ZNF750: variants seen among roughly 807,000 people sequenced by gnomAD.
ZNF750 encodes zinc finger protein 750, also known as protein ZNF750.
ZNF750 carries 10 observed loss-of-function variants against 31.6 expected under a neutral mutation model. The ratio of observed to expected loss-of-function variants is 0.32; its 90% CI spans 0.19 to 0.54. The LOEUF (loss-of-function observed/expected upper bound fraction) is 0.54. Among genes scored for constraint, ZNF750 ranks in the 20% least tolerant of loss-of-function variants. The pLI, the probability that ZNF750 is intolerant of heterozygous loss-of-function variation, is 0.95. For missense variants in ZNF750, 914 were observed against 934.9 expected, an observed-to-expected ratio of 0.98 and a Z score of 0.29; for synonymous variants, 400 against 404.9, an observed-to-expected ratio of 0.99 and a Z score of 0.15.
intron 1 of ZNF750, among the ~76,000 whole-genome samples, chr17:82,839,548 T>G (rs901055043): frequency 6.6e-6 from 1 of 152,216 alleles, no homozygotes; most frequent in South Asian, 2.1e-4. Context: ...TTCACCCTAA[T>G]GTACATACAC....
chr17:82,830,670 G>A lies in ZNF750; in HGVS notation c.1644C>T (p.Asp548=), dbSNP rs138155684. The change falls in exon 3 of 3, where the codon GAC becomes GAT. Residue 548 remains aspartate, a synonymous_variant. Coordinates refer to ENST00000269394, the MANE Select transcript of ZNF750 (RefSeq NM_024702.3). ...AETASFSELQ[D]LPLNLSVKDP... ...CCTTCACCGAGAGATTGAGTGGAAG[G>A]TCCTGCAGCTCTGAGAAGCTGGCGG... 8.6e-4 allele frequency: 1,385 copies of A among 1,614,154 alleles called. 1 individual carries two copies. The highest frequency in any genetic ancestry group is 1.4e-3 in the Admixed American group (86 of 60,036).
chr17:82,831,592 G>T lies in ZNF750; in HGVS notation c.863C>A (p.Pro288Gln). The change falls in exon 2 of 3, where the codon CCG (proline) becomes CAG (glutamine). Residue 288 changes from proline (P) to glutamine (Q), a missense_variant. Around this residue, in one of 2 missense-constraint regions of ZNF750, gnomAD observed 880 missense variants for 868.9 expected, o/e 1.01. Coordinates refer to ENST00000269394, the MANE Select transcript of ZNF750 (RefSeq NM_024702.3). The surrounding 1 kb of genome is among the most constrained non-coding windows in gnomAD (Gnocchi z 4.6). ...AGCCAGGTGCTTAGGGATCGGCCCC[G>T]GGTGAGGCAGGAAGTGTCTCGGGTC... is the stretch of plus-strand genomic sequence containing the variant. ...TQDPRHFLPH[P>Q]GPIPKHLAPS... The T allele has an allele frequency of 6.2e-7, 1 of 1,614,130 alleles. No individual in the cohort carries two copies. The highest frequency in any genetic ancestry group is 8.5e-7 in the Non-Finnish European group (1 of 1,179,992).
intron 1 of ZNF750, among the ~76,000 whole-genome samples, chr17:82,837,779 C>T (rs2054113823): frequency 6.6e-6 from 1 of 152,248 alleles, no homozygotes. Flanking sequence ...TCTTCCCTGA[C>T]TGCTGCTGGC....
In ZNF750 at chr17:82,832,652, G is replaced by C. The variant is rs1287156131; in HGVS notation, c.-182-16C>G. On this transcript the variant is annotated splice_polypyrimidine_tract_variant and intron_variant, in intron 1 of 2. Coordinates refer to ENST00000269394, the MANE Select transcript of ZNF750 (RefSeq NM_024702.3). This position sits in a 1 kb window ranked among gnomAD's most constrained non-coding sequence, Gnocchi z 4.9. Reference sequence around the variant, plus strand: ...CGGCTGGGAGCTGTAATAAAGAGCAGTCTTGGTGTCAGGACAGCGAGTGAG... The same window carrying C: ...CGGCTGGGAGCTGTAATAAAGAGCACTCTTGGTGTCAGGACAGCGAGTGAG... The C allele has an allele frequency of 1.6e-6, 1 of 620,706 alleles. No homozygotes were observed. Among genetic ancestry groups the C allele is most frequent in the African/African-American group, 1.8e-5 (1 of 54,374 alleles). 38.4% of individuals were successfully genotyped at this position (620,706 alleles called of 1,614,324 possible). A position where few individuals can be genotyped will look rare whatever the true frequency, so the allele number is the denominator to read the frequency against.
Position 82,830,067 on chromosome 17 carries a change from A to G in ZNF750, c.*75T>C. The G allele has an allele frequency of 6.3e-7, 1 of 1,598,340 alleles. No homozygotes were observed. The highest frequency in any genetic ancestry group is 8.5e-7 in the Non-Finnish European group (1 of 1,169,852). On this transcript the variant is annotated 3_prime_UTR_variant, in exon 3 of 3. Transcript: ENST00000269394. ...TGTAAAAATGTGAAAGTGCCAGTTC[A>G]GAGGTGTTGTAGCTTGCCACCTTGG...
rs2053464967 is a variant in ZNF750 at position 82,831,088 on chromosome 17, CTGAAGGCTG to C, written c.1358_1366del (p.Thr453_Phe455del). 1 of 1,614,166 alleles carries C rather than the reference CTGAAGGCTG, an allele frequency of 6.2e-7. No individual in the cohort carries two copies. Among genetic ancestry groups the C allele is most frequent in the Non-Finnish European group, 8.5e-7 (1 of 1,180,024 alleles). ...GCATTCTGTGCTTTTCTTAACAGGC[CTGAAGGCTG>C]TGAGGCTTTGCTCTGGCGGGTAGAG... On this transcript the variant is annotated inframe_deletion, in exon 2 of 3. Coordinates refer to ENST00000269394, the MANE Select transcript of ZNF750 (RefSeq NM_024702.3). This position sits in a 1 kb window ranked among gnomAD's most constrained non-coding sequence, Gnocchi z 4.6.
In ZNF750 at chr17:82,829,905, C is replaced by T. The variant is rs1220212437; in HGVS notation, c.*237G>A. Reference sequence around the variant, plus strand: ...CTTAGACTTGAAAATACATATCAGTCTTAGAGTCATTCAGGTGTTTTTACA... The same window carrying T: ...CTTAGACTTGAAAATACATATCAGTTTTAGAGTCATTCAGGTGTTTTTACA... On this transcript the variant is annotated 3_prime_UTR_variant, in exon 3 of 3. Transcript: ENST00000269394. 2 of 622,502 alleles carry T rather than the reference C, an allele frequency of 3.2e-6. No homozygotes were observed. The highest frequency in any genetic ancestry group is 5.5e-6 in the Non-Finnish European group (2 of 362,302). The allele number at this position is 622,502 out of a possible 1,614,324, so 38.6% of individuals were successfully genotyped here.
At chr17:82,838,817 C>G (rs544716967) in intron 1 of ZNF750, 3 of 985,250 alleles carry the variant, frequency 3.0e-6, no homozygotes, top group Admixed American at 6.2e-5. Context: ...CAGGAGATCC[C>G]GAGTTACAGA....
Position 82,838,688 on chromosome 17 carries a change from T to C in ZNF750, c.-183+1239A>G, listed in dbSNP as rs1353636019. 7.1e-6 allele frequency: 7 copies of C among 985,366 alleles called. No individual in the cohort carries two copies. The East Asian group carries it at 4.5e-4, about 64-fold the overall frequency. The allele number at this position is 985,366 out of a possible 1,614,324, so 61.0% of individuals were successfully genotyped here. ...CCACTCCCTCCCAGCCTTTCGGTTC[T>C]TTAAAATGAAAGATAAACCTCAGGA... On this transcript the variant is annotated intron_variant, in intron 1 of 2. Coordinates refer to ENST00000269394, the MANE Select transcript of ZNF750 (RefSeq NM_024702.3).
intron 1 of ZNF750, among the ~76,000 whole-genome samples, chr17:82,836,088 CT>C (rs141669026): frequency 0.029 from 4,402 of 152,344 alleles, 235 homozygotes; most frequent in African/African-American, 0.099. Context: ...TAATTTCCCC[CT>C]ATTAGAAGAA....
chr17:82,836,983 G>C (rs993013624), intron 1 of ZNF750, among the ~76,000 whole-genome samples: 1 of 152,164 alleles, frequency 6.6e-6, no homozygotes, highest in Non-Finnish European at 1.5e-5. Flanking sequence ...AATTGGTGTC[G>C]ATATGGAGTC....
In ZNF750 at chr17:82,830,617, G is replaced by A. The variant is rs765824244; in HGVS notation, c.1697C>T (p.Pro566Leu). The A allele has an allele frequency of 1.2e-6, 2 of 1,614,034 alleles. No homozygotes were observed. The highest frequency in any genetic ancestry group is 3.3e-5 in the Admixed American group (2 of 60,020). ...AGCTCGTGGTCGACCGGGGAAGGCA[G>A]GCCTCGGAGCCTGGGTGTTACAGGG... ...KDPCNTQAPR[P>L]AFPGRPRAAE... Residue 566 changes from proline to leucine, a missense_variant, in exon 3 of 3, where the codon CCT (proline) becomes CTT (leucine). Transcript: ENST00000269394.
chr17:82,830,318 C>G lies in ZNF750; in HGVS notation c.1996G>C (p.Asp666His), dbSNP rs2053366571. 6.2e-7 allele frequency: 1 copy of G among 1,614,044 alleles called. No homozygotes were observed. Among genetic ancestry groups the G allele is most frequent in the African/African-American group, 1.3e-5 (1 of 74,942 alleles). Reference protein sequence around the residue: ...AAAPEPACRQDTPTLSSMESQ... With the variant: ...AAAPEPACRQHTPTLSSMESQ... Reference sequence around the variant, plus strand: ...TCCATGGAGCTCAGTGTGGGTGTGTCTTGCCGGCAGGCAGGTTCCGGGGCC... The same window carrying G: ...TCCATGGAGCTCAGTGTGGGTGTGTGTTGCCGGCAGGCAGGTTCCGGGGCC... Residue 666 changes from aspartate to histidine, a missense_variant, in exon 3 of 3, where the codon GAC becomes CAC. Physicochemically the swap from Asp to His is moderately conservative, Grantham distance 81. Around this residue, in one of 2 missense-constraint regions of ZNF750, gnomAD observed 880 missense variants for 868.9 expected, o/e 1.01. Transcript: ENST00000269394.
rs1451337653 is a variant in ZNF750, at chr17:82,832,704, C to T, written c.-182-68G>A. Reference sequence around the variant, plus strand: ...GGTCGGCGAGAAGCCGGCCTCGGCTCGCCACAGTGCCACAGGATCCCTGAA... The same window carrying T: ...GGTCGGCGAGAAGCCGGCCTCGGCTTGCCACAGTGCCACAGGATCCCTGAA... On this transcript the variant is annotated intron_variant, in intron 1 of 2. Transcript: ENST00000269394. This position sits in a 1 kb window ranked among gnomAD's most constrained non-coding sequence, Gnocchi z 4.9. 10 of 546,684 alleles carry T rather than the reference C, an allele frequency of 1.8e-5. No homozygotes were observed. The East Asian group carries it at 2.2e-4, about 12-fold the overall frequency. The allele number at this position is 546,684 out of a possible 1,614,324, so 33.9% of individuals were successfully genotyped here.
At position 82,832,218 on chromosome 17, in the gene ZNF750, G is replaced by T; in HGVS notation, c.237C>A (p.Pro79=). Reference sequence around the variant, plus strand: ...AAGAGGCTGGCTTCGCCGTGGCATCGGGCTGGTTGGTTTGCTTGGGGTCTA... The same window carrying T: ...AAGAGGCTGGCTTCGCCGTGGCATCTGGCTGGTTGGTTTGCTTGGGGTCTA... ...NSLDPKQTNQ[P]DATAKPASSK... The change falls in exon 2 of 3, where the codon CCC becomes CCA. Residue 79 remains proline, a synonymous_variant. Coordinates refer to ENST00000269394, the MANE Select transcript of ZNF750 (RefSeq NM_024702.3). This position sits in a 1 kb window ranked among gnomAD's most constrained non-coding sequence, Gnocchi z 4.9. 6.2e-7 allele frequency: 1 copy of T among 1,614,232 alleles called. No individual in the cohort carries two copies. The highest frequency in any genetic ancestry group is 8.5e-7 in the Non-Finnish European group (1 of 1,180,042).
Position 82,830,432 on chromosome 17 carries a change from CGCT to C in ZNF750, c.1879_1881del (p.Ser627del). On this transcript the variant is annotated inframe_deletion, in exon 3 of 3. Coordinates refer to ENST00000269394, the MANE Select transcript of ZNF750 (RefSeq NM_024702.3). ...ACGGCTGCCGTCTGCTTCTGCTCCT[CGCT>C]GCTGTCCACCGCGCATGCGTCTGGA... 1 of 1,611,792 alleles carries C rather than the reference CGCT, an allele frequency of 6.2e-7. No homozygotes were observed. The highest frequency in any genetic ancestry group is 8.5e-7 in the Non-Finnish European group (1 of 1,179,912).
At position 82,831,026 on chromosome 17, in the gene ZNF750, G is replaced by T; in HGVS notation, c.1429C>A (p.Pro477Thr). 6.2e-7 allele frequency: 1 copy of T among 1,614,166 alleles called. No homozygotes were observed. The highest frequency in any genetic ancestry group is 8.5e-7 in the Non-Finnish European group (1 of 1,180,052). Residue 477 changes from proline to threonine, a missense_variant, in exon 2 of 3, where the codon CCA (proline) becomes ACA (threonine). Physicochemically the swap from Pro to Thr is conservative, Grantham distance 38. Coordinates refer to ENST00000269394, the MANE Select transcript of ZNF750 (RefSeq NM_024702.3). The surrounding 1 kb of genome is among the most constrained non-coding windows in gnomAD (Gnocchi z 4.6). Reference sequence around the variant, plus strand: ...AAAATGACATTTTCTTACCTTACTGGAGACTCTGCTGTGGTCTCAGCAGCC... The same window carrying T: ...AAAATGACATTTTCTTACCTTACTGTAGACTCTGCTGTGGTCTCAGCAGCC... ...AQAAETTAES[P>T]VSLNVVNGDP...
chr17:82,831,116 G>T lies in ZNF750; in HGVS notation c.1339C>A (p.Pro447Thr). ...AAGGCTGTGAGGCTTTGCTCTGGCG[G>T]GTAGAGTCTTCCCAGTGCGCTGGAG... ...AASSALGRLY[P>T]PEQSLTAFRP... is the part of the protein sequence containing the mutation. The change falls in exon 2 of 3, where the codon CCG becomes ACG. Residue 447 changes from proline to threonine, a missense_variant. Coordinates refer to ENST00000269394, the MANE Select transcript of ZNF750 (RefSeq NM_024702.3). The surrounding 1 kb of genome is among the most constrained non-coding windows in gnomAD (Gnocchi z 4.6). 6.2e-7 allele frequency: 1 copy of T among 1,614,194 alleles called. No homozygotes were observed. The highest frequency in any genetic ancestry group is 8.5e-7 in the Non-Finnish European group (1 of 1,180,034).
chr17:82,837,658 A>G (rs1420753462), intron 1 of ZNF750, among the ~76,000 whole-genome samples: 1 of 152,154 alleles, frequency 6.6e-6, no homozygotes, highest in African/African-American at 2.4e-5. Context: ...GGAGGGTTTC[A>G]TCCTCCTCTC....
Sources: allele counts gnomAD v4.1 joint callset (sites outside exome capture counted in the v4.1 genomes callset), GRCh38; gene constraint gnomAD v4.1.1; regional missense constraint gnomAD v4.1.1; non-coding constraint Gnocchi (gnomAD v3.1); transcripts MANE v1.5; gene names NCBI Gene and HGNC (gene_info 2026-07-23, HGNC 2026-07-21).